The following EDAR variants were observed in gnomAD, a reference collection of about 807,000 sequenced individuals.
EDAR encodes ectodysplasin A receptor, also known as tumor necrosis factor receptor superfamily member EDAR.
In EDAR, 38 loss-of-function variants were observed where a neutral mutation model predicts 51.3. The observed-to-expected ratio is 0.74, with a 90% confidence interval of 0.57 to 0.97. The LOEUF (loss-of-function observed/expected upper bound fraction) is 0.97, where lower values mean the gene tolerates loss of function less well. Ranked by LOEUF, EDAR falls within the 50% of genes least tolerant of loss-of-function variation. The pLI is 0.00. For missense variants in EDAR, 528 were observed against 595.0 expected, an observed-to-expected ratio of 0.89 and a Z score of 1.17; for synonymous variants, 227 against 242.1, an observed-to-expected ratio of 0.94 and a Z score of 0.58.
chr2:108,967,003 TG>T (rs914122004), intron 1 of EDAR, among the ~76,000 whole-genome samples: 6 of 152,216 alleles, frequency 3.9e-5, no homozygotes, highest in African/African-American at 1.4e-4. Flanking sequence ...GGCACAGTCT[TG>T]GCCCACTGAA....
chr2:108,959,252 A>G (rs1697989368), intron 1 of EDAR, among the ~76,000 whole-genome samples: 1 of 152,236 alleles, frequency 6.6e-6, no homozygotes, highest in Non-Finnish European at 1.5e-5. Flanking sequence ...AGAGGGGCTG[A>G]TGATGGCCTA....
intron 1 of EDAR, among the ~76,000 whole-genome samples, chr2:108,984,409 C>T (rs949694354): frequency 6.6e-6 from 1 of 152,188 alleles, no homozygotes; most frequent in Non-Finnish European, 1.5e-5. Context: ...CTTTCCATCA[C>T]CCTCAATGAG....
chr2:108,905,351 C>A (rs1444153347), intron 11 of EDAR, among the ~76,000 whole-genome samples: 1 of 152,218 alleles, frequency 6.6e-6, no homozygotes, highest in East Asian at 1.9e-4. Context: ...CAGGCCATGC[C>A]AGGTGAGATC....
At chr2:108,908,126 G>A (rs1696847846) in intron 9 of EDAR, 107 bp from the exon 10 acceptor site, 7 of 1,287,044 alleles carry the variant, frequency 5.4e-6, no homozygotes, top group Non-Finnish European at 7.4e-6. Context: ...ACAGTGGGGG[G>A]CAATGACTTG....
rs372591462 is a variant in EDAR at position 108,965,451 on chromosome 2, C to A, written c.-19+23509G>T. Among the ~76,000 whole-genome samples the A allele has an allele frequency of 1.0e-3, 127 of 122,158 alleles. 1 individual carries two copies. Among genetic ancestry groups the A allele is most frequent in the Non-Finnish European group, 1.9e-3 (112 of 60,248 alleles). 80.1% of individuals were successfully genotyped at this position (122,158 alleles called of 152,430 possible). A position where few individuals can be genotyped will look rare whatever the true frequency, so the allele number is the denominator to read the frequency against. On this transcript the variant is annotated intron_variant, in intron 1 of 11. Transcript: ENST00000258443. ...CTGCACTCCAACCTGGGAGACAGAG[C>A]GAGATTTCGTCTCAAAAAAAAAAAA...
intron 11 of EDAR, among the ~76,000 whole-genome samples, chr2:108,905,688 T>C (rs1558798465): frequency 3.9e-5 from 6 of 152,020 alleles, no homozygotes; most frequent in Admixed American, 3.9e-4. Flanking sequence ...GGATTTATCT[T>C]TGGGGTTAAT....
intron 1 of EDAR, among the ~76,000 whole-genome samples, chr2:108,980,605 G>A (rs1698402917): frequency 6.6e-6 from 1 of 152,138 alleles, no homozygotes; most frequent in Non-Finnish European, 1.5e-5. Context: ...TAAAACAGGA[G>A]TCCAGGGGTG....
chr2:108,904,909 C>T (rs1339160337), intron 11 of EDAR, among the ~76,000 whole-genome samples: 1 of 152,048 alleles, frequency 6.6e-6, no homozygotes, highest in Non-Finnish European at 1.5e-5. Context: ...TATCAGTGTC[C>T]TGGTTGTGAC....
chr2:108,962,710 G>A, intron 1 of EDAR, among the ~76,000 whole-genome samples: 1 of 148,826 alleles, frequency 6.7e-6, no homozygotes, highest in African/African-American at 2.5e-5. Flanking sequence ...AAGAGAGAAA[G>A]GAATGCAATT....
chr2:108,959,204 G>C (rs1295344944), intron 1 of EDAR, among the ~76,000 whole-genome samples: 1 of 152,260 alleles, frequency 6.6e-6, no homozygotes, highest in Non-Finnish European at 1.5e-5. Context: ...CAAGGCTTCA[G>C]TAAAGCTGAT....
At chr2:108,977,473 T>C (rs1307275879) in intron 1 of EDAR, among the ~76,000 whole-genome samples, 1 of 152,184 alleles carries the variant, frequency 6.6e-6, no homozygotes, top group Non-Finnish European at 1.5e-5. Flanking sequence ...GGTTTCACTG[T>C]GTTCGCCAGG....
chr2:108,907,105 G>C (rs1696821058), intron 10 of EDAR, among the ~76,000 whole-genome samples: 1 of 152,240 alleles, frequency 6.6e-6, no homozygotes, highest in Non-Finnish European at 1.5e-5. Flanking sequence ...CCTGCTCCTG[G>C]CCACAGCACA....
rs376372475 is a variant in EDAR at position 108,986,441 on chromosome 2, C to T, written c.-19+2519G>A. Among the ~76,000 whole-genome samples, 52 of 152,208 alleles carry T rather than the reference C, an allele frequency of 3.4e-4. 1 individual carries two copies. In the South Asian group the frequency reaches 0.01, roughly 30 times the overall value. ...TAATCCCTGGTGGCTGTCATTGCACCATCTCCTTGTGGGGGCAAATGTGTC... is the reference window on the plus strand; with the variant it reads ...TAATCCCTGGTGGCTGTCATTGCACTATCTCCTTGTGGGGGCAAATGTGTC... On this transcript the variant is annotated intron_variant, in intron 1 of 11. Transcript: ENST00000258443.
intron 1 of EDAR, among the ~76,000 whole-genome samples, chr2:108,983,186 C>T (rs182349573): frequency 6.6e-6 from 1 of 152,312 alleles, no homozygotes; most frequent in East Asian, 1.9e-4. Flanking sequence ...TGTCAACAAA[C>T]ACATCCCCAA....
At position 108,956,443 on chromosome 2, in the gene EDAR, T is replaced by G. The variant is rs138313527; in HGVS notation, c.-18-25411A>C. On this transcript the variant is annotated intron_variant, in intron 1 of 11. Transcript: ENST00000258443. ...TCCTGATGCCACTCAAATCCCTCCA[T>G]GTCCTCCACTAGCACTGCACCAAGA... Among the ~76,000 whole-genome samples the G allele has an allele frequency of 4.0e-4, 61 of 152,360 alleles. No individual in the cohort carries two copies. The East Asian group carries it at 0.011, about 27-fold the overall frequency.
chr2:108,969,494 C>T (rs982799066), intron 1 of EDAR, among the ~76,000 whole-genome samples: 3 of 152,158 alleles, frequency 2.0e-5, no homozygotes, highest in African/African-American at 7.2e-5. Flanking sequence ...GGTCCTGGCC[C>T]CGAGGACTCA....
At chr2:108,985,666 C>T (rs1698486148) in intron 1 of EDAR, among the ~76,000 whole-genome samples, 1 of 152,210 alleles carries the variant, frequency 6.6e-6, no homozygotes, top group Non-Finnish European at 1.5e-5. Flanking sequence ...GGGGTCCAAA[C>T]AGTGTGTTTG....
At chr2:108,911,122 G>T in intron 6 of EDAR, 50 bp from the exon 7 acceptor site, 4 of 1,612,396 alleles carry the variant, frequency 2.5e-6, no homozygotes, top group Non-Finnish European at 3.4e-6. Context: ...GATCCCTGCT[G>T]GTCTTCCCTC....
chr2:108,939,113 G>A (rs1335891032), intron 1 of EDAR, among the ~76,000 whole-genome samples: 1 of 152,088 alleles, frequency 6.6e-6, no homozygotes, highest in African/African-American at 2.4e-5. Flanking sequence ...GTAACATGAA[G>A]TTTTGTTGAA....
Sources: gnomAD v4.1 joint callset for allele counts (sites outside exome capture counted in the v4.1 genomes callset) on GRCh38, gnomAD v4.1.1 for gene constraint, MANE v1.5 for transcripts, NCBI Gene and HGNC (gene_info 2026-07-23, HGNC 2026-07-21) for gene names.